Variants in CRAMP1 observed in about 807,000 individuals in gnomAD.
CRAMP1 encodes protein cramped-like.
Under a neutral mutation model 115.4 loss-of-function variants are expected in CRAMP1, and 50 were observed. The ratio of observed to expected loss-of-function variants is 0.43; its 90% CI spans 0.35 to 0.55. The LOEUF is 0.55. Ranked by LOEUF, CRAMP1 falls within the 20% of genes least tolerant of loss-of-function variation. The pLI, the probability that CRAMP1 is intolerant of heterozygous loss-of-function variation, is 0.01. For synonymous variants in CRAMP1, 866 were observed against 745.4 expected (o/e 1.16, Z -2.64); for missense variants, 1,679 against 1,721.7 (o/e 0.98, Z 0.44).
chr16:1,632,621 T>G (rs1033662553), intron 4 of CRAMP1, among the ~76,000 whole-genome samples: 3 of 152,250 alleles, frequency 2.0e-5, no homozygotes, highest in African/African-American at 7.2e-5. Context: ...GGTTTGTGTG[T>G]TTCCAGTGGC....
At chr16:1,617,908 A>G (rs539947101) in intron 2 of CRAMP1, among the ~76,000 whole-genome samples, 88 of 152,328 alleles carry the variant, frequency 5.8e-4, no homozygotes, top group African/African-American at 2.0e-3. Flanking sequence ...TTTGCTTTTA[A>G]ATGAGTGCAG....
rs150918189 is a variant in CRAMP1 at position 1,641,010 on chromosome 16, T to C, written c.779-129T>C. On this transcript the variant is annotated intron_variant, in intron 5 of 20. Coordinates refer to ENST00000397412, the MANE Select transcript of CRAMP1 (RefSeq NM_020825.4). ...GGGGCTGCAGCTACTGTAGGGCTTT[T>C]ATTCCAGAGGAACTTTAATATTCGG... The C allele has an allele frequency of 7.2e-4, 469 of 649,894 alleles. 2 individuals are homozygous for C. In the African/African-American group the frequency reaches 7.4e-3, roughly 10 times the overall value. The allele number at this position is 649,894 out of a possible 1,614,324, so 40.3% of individuals were successfully genotyped here.
At chr16:1,657,839 G>A (rs1000549060) in intron 10 of CRAMP1, among the ~76,000 whole-genome samples, 2 of 152,222 alleles carry the variant, frequency 1.3e-5, no homozygotes, top group Non-Finnish European at 2.9e-5. Context: ...GGCACGTTTA[G>A]GGGCTGGCGA....
intron 13 of CRAMP1, among the ~76,000 whole-genome samples, 188 bp from the exon 14 acceptor site, chr16:1,664,869 A>G (rs919874961): frequency 5.3e-5 from 8 of 151,928 alleles, no homozygotes; most frequent in African/African-American, 1.9e-4. Flanking sequence ...GAGAGGACCT[A>G]ACTGGAGCTT....
intron 4 of CRAMP1, among the ~76,000 whole-genome samples, chr16:1,634,514 C>G (rs1043279984): frequency 1.3e-5 from 2 of 151,840 alleles, no homozygotes; most frequent in Non-Finnish European, 2.9e-5. Context: ...ACACCCAACA[C>G]AGGTCCTTTT....
In CRAMP1 at chr16:1,669,265, C is replaced by T; in HGVS notation, c.3499+100C>T. The T allele has an allele frequency of 1.1e-6, 1 of 934,752 alleles. No individual in the cohort carries two copies. 57.9% of individuals were successfully genotyped at this position (934,752 alleles called of 1,614,324 possible). On this transcript the variant is annotated intron_variant, in intron 19 of 20. Coordinates refer to ENST00000397412, the MANE Select transcript of CRAMP1 (RefSeq NM_020825.4). The surrounding 1 kb of genome is among the most constrained non-coding windows in gnomAD (Gnocchi z 4.6). Reference sequence around the variant, plus strand: ...CATTCTACTCAAACTCCCACTAGGACTGTTGGCTTGTTCGCTTCTCAAGTG... The same window carrying T: ...CATTCTACTCAAACTCCCACTAGGATTGTTGGCTTGTTCGCTTCTCAAGTG...
intron 1 of CRAMP1, among the ~76,000 whole-genome samples, chr16:1,613,397 G>T (rs763797114): frequency 6.6e-6 from 1 of 152,150 alleles, no homozygotes; most frequent in Non-Finnish European, 1.5e-5. Context: ...GTCCTCGCCC[G>T]CGTCCCTGTA....
At chr16:1,635,295 G>T (rs538050836) in intron 4 of CRAMP1, among the ~76,000 whole-genome samples, 2 of 152,212 alleles carry the variant, frequency 1.3e-5, no homozygotes, top group South Asian at 2.1e-4. Context: ...GCAAGCGAGC[G>T]TGGAAGGGAC....
At chr16:1,644,003 C>G (rs2036653973) in intron 6 of CRAMP1, among the ~76,000 whole-genome samples, 1 of 152,236 alleles carries the variant, frequency 6.6e-6, no homozygotes, top group East Asian at 1.9e-4. Context: ...TGGCTACCAG[C>G]TTGTCTGGAA....
rs1421559511 is a variant in CRAMP1, at chr16:1,676,137, C to G, written c.*2092C>G. The G allele has an allele frequency of 6.6e-6, 1 of 152,256 alleles. No individual in the cohort carries two copies. Among genetic ancestry groups the G allele is most frequent in the Non-Finnish European group, 1.5e-5 (1 of 68,082 alleles). 9.4% of individuals were successfully genotyped at this position (152,256 alleles called of 1,614,324 possible). The stretch of plus-strand genomic sequence containing the variant: ...GGTTTGTGAACTGCCTGTCAGGGTA[C>G]CTGTTAGCCCCTGACAACTCAGTGG... On this transcript the variant is annotated 3_prime_UTR_variant, in exon 21 of 21. Transcript: ENST00000397412.
chr16:1,615,089 C>T, intron 2 of CRAMP1, 104 bp downstream of exon 2: 2 of 634,950 alleles, frequency 3.1e-6, no homozygotes, highest in African/African-American at 1.9e-5. Context: ...GCTCACCCAT[C>T]CCGCGGCCTA....
chr16:1,650,717 C>T (rs2036715405), intron 6 of CRAMP1, among the ~76,000 whole-genome samples: 1 of 152,180 alleles, frequency 6.6e-6, no homozygotes, highest in Non-Finnish European at 1.5e-5. Flanking sequence ...TAGACTGTTT[C>T]TTAGAAATTG....
chr16:1,662,377 G>A lies in CRAMP1; in HGVS notation c.2414-113G>A, dbSNP rs771400307. 2.7e-5 allele frequency: 22 copies of A among 816,480 alleles called. 1 individual carries two copies. Among genetic ancestry groups the A allele is most frequent in the South Asian group, 1.9e-4 (12 of 62,406 alleles). The allele number at this position is 816,480 out of a possible 1,614,324, so 50.6% of individuals were successfully genotyped here. ...AGAGGTGTCTCCTTTCAAGGCAGCC[G>A]AACGGGTTGCCAAGAGAATGTCTTT... On this transcript the variant is annotated intron_variant, in intron 11 of 20. Transcript: ENST00000397412.
At chr16:1,648,872 C>T (rs932911373) in intron 6 of CRAMP1, among the ~76,000 whole-genome samples, 2 of 151,890 alleles carry the variant, frequency 1.3e-5, no homozygotes, top group African/African-American at 2.4e-5. Flanking sequence ...TCCTGGCTAA[C>T]GTGGTGAAAC....
At chr16:1,655,463 C>T (rs2036763016) in intron 9 of CRAMP1, among the ~76,000 whole-genome samples, 163 bp downstream of exon 9, 1 of 152,318 alleles carries the variant, frequency 6.6e-6, no homozygotes. Context: ...GCCCCTTATT[C>T]CCTGGGTGTG....
intron 11 of CRAMP1, among the ~76,000 whole-genome samples, chr16:1,660,606 A>G (rs2036820240): frequency 6.6e-6 from 1 of 152,242 alleles, no homozygotes; most frequent in African/African-American, 2.4e-5. Context: ...CAAGACAAGC[A>G]TGAACAGTTT....
intron 19 of CRAMP1, 143 bp from the exon 20 acceptor site, chr16:1,670,521 G>A (rs1258313241): frequency 3.7e-6 from 3 of 814,348 alleles, no homozygotes; most frequent in East Asian, 2.4e-5. Context: ...TGAGTCCCTC[G>A]GAAGCTCTTC....
chr16:1,662,696 C>T lies in CRAMP1; in HGVS notation c.2595+25C>T, dbSNP rs373340522. 519 of 1,613,670 alleles carry T rather than the reference C, an allele frequency of 3.2e-4. 1 individual carries two copies. The highest frequency in any genetic ancestry group is 4.0e-4 in the Non-Finnish European group (477 of 1,179,794). ...TGTGAGTGTGTGGGGCCGGGCCGCC[C>T]GCGTGCGAGCGTCCCCGTGGTCTGG... On this transcript the variant is annotated intron_variant, in intron 12 of 20. Coordinates refer to ENST00000397412, the MANE Select transcript of CRAMP1 (RefSeq NM_020825.4).
intron 19 of CRAMP1, chr16:1,670,330 G>T: frequency 3.4e-6 from 1 of 295,592 alleles, no homozygotes; most frequent in Non-Finnish European, 6.4e-6. Flanking sequence ...AAGTATGGGG[G>T]TGGGGATGGC....
Sources: allele counts gnomAD v4.1 joint callset (sites outside exome capture counted in the v4.1 genomes callset), GRCh38; gene constraint gnomAD v4.1.1; non-coding constraint Gnocchi (gnomAD v3.1); transcripts MANE v1.5; gene names NCBI Gene and HGNC (gene_info 2026-07-23, HGNC 2026-07-21).